Variants in CD36 observed in about 807,000 individuals in gnomAD.
CD36 encodes the protein platelet glycoprotein 4.
In CD36, 119 loss-of-function variants were observed where a neutral mutation model predicts 55.2. The ratio of observed to expected loss-of-function variants is 2.15; its 90% CI spans 1.86 to 2.51. CD36 has a LOEUF of 2.51. Ranked by LOEUF, CD36 falls within the 30% of genes most tolerant of loss-of-function variation. The probability of loss-of-function intolerance (pLI) is 0.00; values close to 1 mark genes in which losing one functional copy is unlikely to be tolerated. For synonymous variants in CD36, 186 were observed against 193.6 expected (o/e 0.96, Z 0.33); for missense variants, 819 against 555.5 (o/e 1.47, Z -4.77).
intron 9 of CD36, 85 bp from the exon 10 acceptor site, chr7:80,670,892 A>T: frequency 1.1e-6 from 1 of 947,236 alleles, no homozygotes. Flanking sequence ...TGATGTTTCT[A>T]AGTTAAAACA....
At chr7:80,607,227 T>C (rs1696841530) in intron 1 of CD36, among the ~76,000 whole-genome samples, 1 of 151,970 alleles carries the variant, frequency 6.6e-6, no homozygotes, top group African/African-American at 2.4e-5. Context: ...TGAAATCCTG[T>C]AGAATAAATA....
At chr7:80,661,232 T>G (rs375038402) in intron 5 of CD36, 22 bp downstream of exon 5, 260 of 1,606,636 alleles carry the variant, frequency 1.6e-4, no homozygotes, top group Non-Finnish European at 2.1e-4. Context: ...AACAACAAAG[T>G]TATCTATTTT....
At chr7:80,675,270 A>G (rs1798114038) in intron 14 of CD36, among the ~76,000 whole-genome samples, 1 of 152,166 alleles carries the variant, frequency 6.6e-6, no homozygotes, top group South Asian at 2.1e-4. Flanking sequence ...CCTACTGACA[A>G]ATTATGACTA....
chr7:80,656,917 T>C (rs1796134942), intron 4 of CD36, among the ~76,000 whole-genome samples: 1 of 152,136 alleles, frequency 6.6e-6, no homozygotes, highest in South Asian at 2.1e-4. Flanking sequence ...ATATACATTA[T>C]CCAAATATTT....
chr7:80,614,767 A>C (rs1253692684), intron 1 of CD36, among the ~76,000 whole-genome samples: 1 of 152,190 alleles, frequency 6.6e-6, no homozygotes, highest in Non-Finnish European at 1.5e-5. Context: ...TCCTGATATC[A>C]GTTGAAAACT....
chr7:80,647,483 T>G (rs1027608390), intron 3 of CD36, among the ~76,000 whole-genome samples: 24 of 152,264 alleles, frequency 1.6e-4, no homozygotes, highest in East Asian at 5.8e-4. Context: ...TAAAACAAAT[T>G]GACTGTAGTG....
At chr7:80,607,335 CCTTTT>C (rs1329295057) in intron 1 of CD36, among the ~76,000 whole-genome samples, 1 of 152,094 alleles carries the variant, frequency 6.6e-6, no homozygotes, top group Non-Finnish European at 1.5e-5. Context: ...ATGAAGCTTG[CCTTTT>C]CTTTTTTTCT....
In CD36 at chr7:80,657,996, T is replaced by C. The variant is rs185161993; in HGVS notation, c.281+1296T>C. Among the ~76,000 whole-genome samples the C allele has an allele frequency of 7.9e-5, 12 of 152,290 alleles. No homozygotes were observed. In the East Asian group the frequency reaches 2.3e-3, roughly 29 times the overall value. ...AATTCACACCCAAAATAAAATGAAATAACAGGCATGGTGAGGGTGGTGCCT... is the reference window on the plus strand; with the variant it reads ...AATTCACACCCAAAATAAAATGAAACAACAGGCATGGTGAGGGTGGTGCCT... On this transcript the variant is annotated intron_variant, in intron 4 of 14. Coordinates refer to ENST00000447544, the MANE Select transcript of CD36 (RefSeq NM_001001548.3).
chr7:80,646,949 T>C, intron 3 of CD36, 89 bp downstream of exon 3: 1 of 1,397,364 alleles, frequency 7.2e-7, no homozygotes, highest in Non-Finnish European at 1.0e-6. Flanking sequence ...TTATATTTCA[T>C]GGTAACTGCT....
At chr7:80,618,987 G>C (rs1793315064) in intron 1 of CD36, among the ~76,000 whole-genome samples, 3 of 152,026 alleles carry the variant, frequency 2.0e-5, no homozygotes, top group African/African-American at 7.2e-5. Flanking sequence ...GAGAGGAGAA[G>C]TCAATGCCTG....
intron 1 of CD36, among the ~76,000 whole-genome samples, chr7:80,632,304 TA>T (rs1201779527): frequency 6.6e-6 from 1 of 151,804 alleles, no homozygotes; most frequent in Non-Finnish European, 1.5e-5. Flanking sequence ...ACAGATGTAT[TA>T]TTTCCTGTGT....
At chr7:80,654,738 T>C (rs1320445417) in intron 3 of CD36, among the ~76,000 whole-genome samples, 2 of 152,160 alleles carry the variant, frequency 1.3e-5, no homozygotes, top group Non-Finnish European at 2.9e-5. Flanking sequence ...TACAGCAGCG[T>C]AGGATTTTGA....
chr7:80,673,016 G>T (rs1797867659), intron 12 of CD36, 173 bp downstream of exon 12: 1 of 618,854 alleles, frequency 1.6e-6, no homozygotes, highest in Admixed American at 2.6e-5. Flanking sequence ...CACAGATTTT[G>T]GAATGGTTTT....
chr7:80,645,446 A>G (rs1452856921), intron 1 of CD36, among the ~76,000 whole-genome samples: 1 of 151,672 alleles, frequency 6.6e-6, no homozygotes, highest in Non-Finnish European at 1.5e-5. Flanking sequence ...AGCCTGACCA[A>G]CATGGTGAAA....
chr7:80,618,329 G>A lies in CD36; in HGVS notation c.-184+15950G>A, dbSNP rs771134295. Among the ~76,000 whole-genome samples, 227 of 152,060 alleles carry A rather than the reference G, an allele frequency of 1.5e-3. 1 individual carries two copies. The highest frequency in any genetic ancestry group is 2.5e-3 in the Non-Finnish European group (169 of 68,014). On this transcript the variant is annotated intron_variant, in intron 1 of 13. Transcript: ENST00000309881. ...TCTTGTTCCCTTTCCTGGAGCCACC[G>A]TAGTCCCTGAGACATGACTATATTG...
At chr7:80,619,213 C>G (rs1372358404) in intron 1 of CD36, among the ~76,000 whole-genome samples, 2 of 152,184 alleles carry the variant, frequency 1.3e-5, no homozygotes, top group Non-Finnish European at 2.9e-5. Flanking sequence ...TTTAAGCCCA[C>G]TGTTGAGACC....
chr7:80,672,003 A>G lies in CD36; in HGVS notation c.1088A>G (p.Asn363Ser), dbSNP rs1431079071. 2 of 1,608,506 alleles carry G rather than the reference A, an allele frequency of 1.2e-6. No individual in the cohort carries two copies. The highest frequency in any genetic ancestry group is 4.5e-5 in the East Asian group (2 of 44,664). Residue 363 changes from asparagine (N) to serine (S), a missense_variant, in exon 11 of 15, where the codon AAT becomes AGT. Physicochemically the swap from Asn to Ser is conservative, Grantham distance 46. Transcript: ENST00000447544. ...VSEPIDGLNP[N>S]EEEHRTYLDI... Reference sequence around the variant, plus strand: ...GAACCTATTGATGGATTAAACCCAAATGAAGAAGAACATAGGACATACTTG... The same window carrying G: ...GAACCTATTGATGGATTAAACCCAAGTGAAGAAGAACATAGGACATACTTG...
At chr7:80,604,977 G>A (rs1792462191) in intron 1 of CD36, among the ~76,000 whole-genome samples, 1 of 152,080 alleles carries the variant, frequency 6.6e-6, no homozygotes, top group African/African-American at 2.4e-5. Flanking sequence ...GTAAAATGTA[G>A]CAAATGCCAT....
At chr7:80,647,024 G>A in intron 3 of CD36, 164 bp downstream of exon 3, 1 of 670,724 alleles carries the variant, frequency 1.5e-6, no homozygotes. Flanking sequence ...GCGACTTTAT[G>A]TGAAATGTTA....
Sources: allele counts gnomAD v4.1 joint callset (sites outside exome capture counted in the v4.1 genomes callset), GRCh38; gene constraint gnomAD v4.1.1; transcripts MANE v1.5; gene names NCBI Gene and HGNC (gene_info 2026-07-23, HGNC 2026-07-21).